Variants in FANCB observed in about 807,000 individuals in gnomAD.
FANCB encodes the protein FA complementation group B.
Under a neutral mutation model 38.9 loss-of-function variants are expected in FANCB, and 5 were observed. The ratio of observed to expected loss-of-function variants is 0.13; its 90% confidence interval spans 0.07 to 0.27. The LOEUF (loss-of-function observed/expected upper bound fraction) is 0.27. FANCB is among the 10% of genes least tolerant of loss of function. The probability of loss-of-function intolerance (pLI) is 1.00; values close to 1 mark genes in which losing one functional copy is unlikely to be tolerated. For missense variants in FANCB, 573 were observed against 602.7 expected (o/e 0.95, Z 0.52); for synonymous variants, 236 against 215.4 (o/e 1.10, Z -0.84).
chrX:14,721,604 T>C, the FANCB span, among the ~76,000 whole-genome samples: 1 of 111,540 alleles, frequency 9.0e-6, no homozygotes, highest in Non-Finnish European at 1.9e-5. Context: ...GCTTATCAGG[T>C]ACTGCTTTAG....
At chrX:14,731,326 A>G in the FANCB span, 16 of 112,182 alleles carry the variant, frequency 1.4e-4, no homozygotes, top group African/African-American at 4.9e-4. Context: ...AAGTTAGTGC[A>G]TTATATATAT....
chrX:14,691,676 G>C, the FANCB span, among the ~76,000 whole-genome samples: 567 of 111,665 alleles, frequency 5.1e-3, 6 homozygotes, highest in African/African-American at 0.017. Flanking sequence ...CAGCTCCCCA[G>C]GCAATTCTGG....
chrX:14,758,646 A>C, the FANCB span, among the ~76,000 whole-genome samples: 1 of 111,910 alleles, frequency 8.9e-6, no homozygotes, highest in East Asian at 2.8e-4. Context: ...TTCAGCTCTC[A>C]GAAAGTCATA....
intron 2 of FANCB, among the ~76,000 whole-genome samples, chrX:14,867,414 C>A (rs2092474351): frequency 9.0e-6 from 1 of 110,882 alleles, no homozygotes; most frequent in Non-Finnish European, 1.9e-5. Context: ...AATGGAGAGG[C>A]CATAAATAAA....
chrX:14,700,783 G>T, the FANCB span, among the ~76,000 whole-genome samples: 1 of 110,468 alleles, frequency 9.1e-6, no homozygotes, highest in East Asian at 2.8e-4. Flanking sequence ...TTTTTTGTTG[G>T]TTGGTTGGTT....
chrX:14,827,981 T>C, the FANCB span, among the ~76,000 whole-genome samples: 10 of 112,580 alleles, frequency 8.9e-5, no homozygotes, highest in African/African-American at 3.2e-4. Context: ...GTGAGCCACA[T>C]ATTTTTTTGG....
At chrX:14,867,663 C>T (rs1179922973) in intron 2 of FANCB, among the ~76,000 whole-genome samples, 1 of 108,784 alleles carries the variant, frequency 9.2e-6, no homozygotes, top group Non-Finnish European at 1.9e-5. Context: ...TGACATTGGG[C>T]TGGGCAAGGA....
chrX:14,828,424 G>A, the FANCB span, among the ~76,000 whole-genome samples: 2 of 112,099 alleles, frequency 1.8e-5, no homozygotes, highest in Non-Finnish European at 3.8e-5. Context: ...CTAAGTTTAT[G>A]TACTAAGTCC....
the FANCB span, among the ~76,000 whole-genome samples, chrX:14,781,165 C>T: frequency 9.0e-6 from 1 of 110,536 alleles, no homozygotes; most frequent in Non-Finnish European, 1.9e-5. Flanking sequence ...CGTGGTGGCT[C>T]ATGCCTGTAA....
chrX:14,777,816 C>T, the FANCB span, among the ~76,000 whole-genome samples: 1 of 112,144 alleles, frequency 8.9e-6, no homozygotes, highest in African/African-American at 3.2e-5. Context: ...AATCACTACC[C>T]GATATCACGA....
the FANCB span, among the ~76,000 whole-genome samples, chrX:14,790,468 T>C: frequency 8.9e-6 from 1 of 112,166 alleles, no homozygotes; most frequent in Non-Finnish European, 1.9e-5. Flanking sequence ...CCTGCCAATA[T>C]GGGAGTAGAA....
chrX:14,704,150 A>T, the FANCB span, among the ~76,000 whole-genome samples: 1 of 112,074 alleles, frequency 8.9e-6, no homozygotes, highest in East Asian at 2.8e-4. Context: ...AGTGTCAAAC[A>T]ATGGTTTATT....
the FANCB span, among the ~76,000 whole-genome samples, chrX:14,819,258 C>T: frequency 9.0e-6 from 1 of 111,421 alleles, no homozygotes; most frequent in Non-Finnish European, 1.9e-5. Flanking sequence ...GAGGTAGACT[C>T]TGTATATGAG....
chrX:14,821,139 T>C, the FANCB span, among the ~76,000 whole-genome samples: 1 of 111,782 alleles, frequency 8.9e-6, no homozygotes. Flanking sequence ...TTTTTTGCTA[T>C]AAAGATAAAA....
intron 5 of FANCB, among the ~76,000 whole-genome samples, chrX:14,855,081 C>T (rs1019343345): frequency 1.5e-4 from 17 of 111,622 alleles, no homozygotes; most frequent in African/African-American, 5.2e-4. Context: ...TACTTCTCCA[C>T]TCTCCAATTG....
the FANCB span, among the ~76,000 whole-genome samples, chrX:14,750,598 G>T: frequency 9.0e-6 from 1 of 110,848 alleles, no homozygotes; most frequent in East Asian, 2.9e-4. Flanking sequence ...TTCCTGGTTT[G>T]CCAGGAACAA....
the FANCB span, among the ~76,000 whole-genome samples, chrX:14,704,517 G>A: frequency 3.6e-5 from 4 of 112,265 alleles, no homozygotes; most frequent in African/African-American, 9.7e-5. Context: ...AGAGATGTGG[G>A]TTTGCCTAAT....
chrX:14,790,800 G>A, the FANCB span, among the ~76,000 whole-genome samples: 11 of 111,408 alleles, frequency 9.9e-5, no homozygotes, highest in African/African-American at 2.0e-4. Context: ...GATTGAGTAG[G>A]GATCCCAAGA....
the FANCB span, among the ~76,000 whole-genome samples, chrX:14,740,881 T>C: frequency 9.0e-6 from 1 of 111,562 alleles, no homozygotes; most frequent in African/African-American, 3.3e-5. Flanking sequence ...TTCTACCTTA[T>C]ATTTTTCACA....
Sources: gnomAD v4.1 joint callset for allele counts (sites outside exome capture counted in the v4.1 genomes callset) on GRCh38, gnomAD v4.1.1 for gene constraint, MANE v1.5 for transcripts, NCBI Gene and HGNC (gene_info 2026-07-23, HGNC 2026-07-21) for gene names.